PATJ: variants seen among roughly 807,000 people sequenced by gnomAD.
PATJ encodes the protein PATJ crumbs cell polarity complex component, also known as inaD-like protein.
A neutral mutation model predicts 224.9 loss-of-function variants in PATJ; 190 were observed. The ratio of observed to expected loss-of-function variants is 0.84; its 90% CI spans 0.75 to 0.95. The LOEUF (loss-of-function observed/expected upper bound fraction) is 0.95. Among genes scored for constraint, PATJ ranks in the 40% least tolerant of loss-of-function variants. PATJ has a pLI of 0.00. For missense variants in PATJ, 2,121 were observed against 2,270.3 expected (o/e 0.93, Z 1.34); for synonymous variants, 769 against 820.3 (o/e 0.94, Z 1.07).
intron 43 of PATJ, among the ~76,000 whole-genome samples, chr1:62,155,042 C>T (rs1341027939): frequency 6.6e-6 from 1 of 152,214 alleles, no homozygotes; most frequent in Non-Finnish European, 1.5e-5. Context: ...GACCATCCTT[C>T]TCCTATGACA....
intron 9 of PATJ, among the ~76,000 whole-genome samples, chr1:61,792,480 C>A (rs764508878): frequency 6.6e-6 from 1 of 152,000 alleles, no homozygotes; most frequent in Non-Finnish European, 1.5e-5. Context: ...GTTTATATTA[C>A]TGGATAAAGG....
chr1:61,807,919 G>A (rs971719313), intron 13 of PATJ, among the ~76,000 whole-genome samples: 3 of 152,166 alleles, frequency 2.0e-5, no homozygotes, highest in African/African-American at 4.8e-5. Flanking sequence ...TTTTAGGCCA[G>A]GATTAAAAGC....
intron 17 of PATJ, among the ~76,000 whole-genome samples, chr1:61,854,220 A>C (rs1663283139): frequency 6.6e-6 from 1 of 152,180 alleles, no homozygotes; most frequent in Admixed American, 6.5e-5. Flanking sequence ...AAAACCTAGC[A>C]GTTTTTCTCT....
intron 30 of PATJ, among the ~76,000 whole-genome samples, chr1:62,040,817 C>A (rs1425191260): frequency 1.3e-5 from 2 of 152,122 alleles, no homozygotes; most frequent in Non-Finnish European, 2.9e-5. Flanking sequence ...TTTAAAGGAT[C>A]CATTTGGCTA....
At chr1:61,965,554 T>A (rs1304894511) in intron 27 of PATJ, among the ~76,000 whole-genome samples, 5 of 152,236 alleles carry the variant, frequency 3.3e-5, no homozygotes, top group African/African-American at 1.2e-4. Context: ...GGAACCTTTT[T>A]AATTTTTATT....
At chr1:61,879,365 T>C (rs1482161047) in intron 21 of PATJ, among the ~76,000 whole-genome samples, 1 of 152,108 alleles carries the variant, frequency 6.6e-6, no homozygotes, top group Non-Finnish European at 1.5e-5. Context: ...TGTCAGTATG[T>C]TGGATGACAG....
rs546610971 is a variant in PATJ, at chr1:62,144,766, C to CA, written c.5272-3506dup. On this transcript the variant is annotated intron_variant, in intron 41 of 43. Coordinates refer to ENST00000642238, the MANE Select transcript of PATJ (RefSeq NM_001350145.3). ...TCTAAATGCTCTAGAATGTTATTTG[C>CA]AAAAAAAAAAAATATATATATATAT... 9.5e-3 allele frequency among the ~76,000 whole-genome samples: 1,111 copies of CA among 116,446 alleles called. 34 individuals carry two copies. The highest frequency in any genetic ancestry group is 0.025 in the South Asian group (93 of 3,662). 76.4% of individuals were successfully genotyped at this position (116,446 alleles called of 152,430 possible). A position where few individuals can be genotyped will look rare whatever the true frequency, so the allele number is the denominator to read the frequency against.
chr1:61,846,721 C>T (rs1027449567), intron 17 of PATJ, among the ~76,000 whole-genome samples: 1 of 152,124 alleles, frequency 6.6e-6, no homozygotes, highest in South Asian at 2.1e-4. Flanking sequence ...CTCAGCCTCG[C>T]GAGTAGCTGG....
At chr1:62,136,661 G>C (rs1666919057) in intron 41 of PATJ, among the ~76,000 whole-genome samples, 1 of 43,364 alleles carries the variant, frequency 2.3e-5, no homozygotes, top group African/African-American at 1.1e-4. Context: ...GTGTGTGTGT[G>C]TGTCTGTGTG....
intron 13 of PATJ, among the ~76,000 whole-genome samples, chr1:61,807,037 A>G (rs2148621445): frequency 6.6e-6 from 1 of 152,200 alleles, no homozygotes; most frequent in African/African-American, 2.4e-5. Context: ...CTGTAATCCC[A>G]GCTACTCAGG....
chr1:61,859,970 G>A (rs1238651849), intron 18 of PATJ, among the ~76,000 whole-genome samples: 101 of 152,250 alleles, frequency 6.6e-4, no homozygotes, highest in Non-Finnish European at 1.5e-5. Flanking sequence ...TGCAAGTGGG[G>A]ACAGAGAATG....
At chr1:61,757,163 C>T (rs1283179166) in intron 1 of PATJ, among the ~76,000 whole-genome samples, 3 of 145,814 alleles carry the variant, frequency 2.1e-5, no homozygotes. Context: ...CCTCGATCTT[C>T]TGGGCTCAAG....
chr1:61,833,799 T>G lies in PATJ; in HGVS notation c.2112+14T>G, dbSNP rs753210728. The G allele has an allele frequency of 6.2e-6, 10 of 1,606,410 alleles. No individual in the cohort carries two copies. Among genetic ancestry groups the G allele is most frequent in the Non-Finnish European group, 8.5e-6 (10 of 1,177,176 alleles). On this transcript the variant is annotated intron_variant, in intron 17 of 43. Coordinates refer to ENST00000642238, the MANE Select transcript of PATJ (RefSeq NM_001350145.3). ...TTGGATTACCAGGTATAAGAACCTG[T>G]GTAGAGGTGTTTTCTTTGGAGTGAT...
intron 26 of PATJ, among the ~76,000 whole-genome samples, chr1:61,926,166 C>G (rs1421678394): frequency 1.3e-5 from 2 of 152,098 alleles, no homozygotes; most frequent in Non-Finnish European, 1.5e-5. Context: ...TTGTGCTCTA[C>G]CCTGGTGAAG....
chr1:61,743,318 C>A (rs539640374), intron 1 of PATJ, among the ~76,000 whole-genome samples: 1 of 152,240 alleles, frequency 6.6e-6, no homozygotes, highest in Non-Finnish European at 1.5e-5. Context: ...GCGCCCCAGC[C>A]GTCCCGCACG....
intron 31 of PATJ, among the ~76,000 whole-genome samples, chr1:62,053,588 G>A (rs1039934428): frequency 2.0e-5 from 3 of 152,096 alleles, no homozygotes; most frequent in Non-Finnish European, 4.4e-5. Context: ...GCATGATGGC[G>A]CATGCCTGTA....
intron 7 of PATJ, among the ~76,000 whole-genome samples, chr1:61,780,962 G>C (rs1382633527): frequency 1.3e-5 from 2 of 152,186 alleles, no homozygotes; most frequent in African/African-American, 4.8e-5. Context: ...AGTGCTCAAA[G>C]AGAAGGAAGT....
At chr1:62,079,646 C>A in intron 32 of PATJ, 79 bp downstream of exon 32, 1 of 904,788 alleles carries the variant, frequency 1.1e-6, no homozygotes, top group African/African-American at 1.7e-5. Context: ...AAAACGAGAA[C>A]TGGACCAGGA....
intron 28 of PATJ, among the ~76,000 whole-genome samples, chr1:62,015,521 T>C (rs918898570): frequency 3.3e-5 from 5 of 151,712 alleles, no homozygotes; most frequent in African/African-American, 9.7e-5. Context: ...GTGCTTTCTA[T>C]GAGATTGATG....
Sources: allele counts gnomAD v4.1 joint callset (sites outside exome capture counted in the v4.1 genomes callset), GRCh38; gene constraint gnomAD v4.1.1; transcripts MANE v1.5; gene names NCBI Gene and HGNC (gene_info 2026-07-23, HGNC 2026-07-21).